Variants in ZNF75D observed in about 807,000 individuals in gnomAD.
ZNF75D encodes zinc finger protein 75.
ZNF75D carries 33 observed loss-of-function variants against 33.3 expected under a neutral mutation model. That is an observed-to-expected ratio of 0.99 (90% CI 0.75 to 1.32). The LOEUF (loss-of-function observed/expected upper bound fraction) is 1.32, where lower values mean the gene tolerates loss of function less well. Ranked by LOEUF, ZNF75D falls within the 40% of genes most tolerant of loss-of-function variation. The pLI is 0.00. For missense variants in ZNF75D, 338 were observed against 367.5 expected (o/e 0.92, Z 0.66); for synonymous variants, 113 against 130.6 (o/e 0.87, Z 0.92).
chrX:135,294,753 T>C (rs1410057988), intron 2 of ZNF75D, among the ~76,000 whole-genome samples: 1 of 111,874 alleles, frequency 8.9e-6, no homozygotes, highest in Non-Finnish European at 1.9e-5. Context: ...TAAATGGAAC[T>C]CTTAATATTC....
At chrX:135,332,808 G>T (rs782255280) in intron 1 of ZNF75D, among the ~76,000 whole-genome samples, 9 of 111,764 alleles carry the variant, frequency 8.1e-5, no homozygotes, top group Non-Finnish European at 1.5e-4. Flanking sequence ...CATCCACAGA[G>T]AATTGGTAAA....
chrX:135,267,197 C>G (rs944215910), intron 1 of ZNF75D, among the ~76,000 whole-genome samples: 2 of 111,186 alleles, frequency 1.8e-5, no homozygotes, highest in Non-Finnish European at 3.8e-5. Flanking sequence ...AATGATGCAT[C>G]TTAAAGAACT....
At chrX:135,275,973 C>G (rs1319065961) in intron 1 of ZNF75D, among the ~76,000 whole-genome samples, 3 of 111,407 alleles carry the variant, frequency 2.7e-5, no homozygotes, top group Admixed American at 9.6e-5. Context: ...ATTCTTAATC[C>G]ATGGCAATGG....
chrX:135,325,797 C>T lies in ZNF75D; in HGVS notation c.-391+15971G>A, dbSNP rs573335432. On this transcript the variant is annotated intron_variant, in intron 1 of 6. Transcript: ENST00000370766. ...CTGAGAGGCGCCACCCCCTGCTCCA[C>T]GGCGCCCAGTCCCATCGACCACCCA... Among the ~76,000 whole-genome samples, 48 of 112,667 alleles carry T rather than the reference C, an allele frequency of 4.3e-4. 1 individual carries two copies. In the South Asian group the frequency reaches 0.01, roughly 24 times the overall value.
At chrX:135,274,352 T>C (rs1457374892) in intron 1 of ZNF75D, among the ~76,000 whole-genome samples, 12 of 112,232 alleles carry the variant, frequency 1.1e-4, no homozygotes, top group African/African-American at 3.9e-4. Flanking sequence ...ATTGTCAGCA[T>C]ACATTTTTGT....
chrX:135,270,202 T>C (rs782145831), intron 1 of ZNF75D, among the ~76,000 whole-genome samples: 7 of 108,221 alleles, frequency 6.5e-5, no homozygotes, highest in African/African-American at 2.3e-4. Flanking sequence ...AGGGGGATCA[T>C]AGTTGATAAT....
rs201356298 is a variant in ZNF75D, at chrX:135,318,088, T to TATA, written c.-390-22050_-390-22049insTAT. On this transcript the variant is annotated intron_variant, in intron 1 of 6. Transcript: ENST00000370766. Reference sequence around the variant, plus strand: ...ATGGCTTGATATATATATATATATATTTTTTTTTTTTTTTTGCGTATTGAC... The same window carrying TATA: ...ATGGCTTGATATATATATATATATATATATTTTTTTTTTTTTTTGCGTATTGAC... 2.2e-3 allele frequency among the ~76,000 whole-genome samples: 191 copies of TATA among 88,200 alleles called. 1 individual carries two copies. The highest frequency in any genetic ancestry group is 0.012 in the Middle Eastern group (2 of 172). 76.6% of individuals were successfully genotyped at this position (88,200 alleles called of 115,157 possible).
chrX:135,249,154 G>T (rs1278115684), exon 4 of ZNF75D: 9 of 323,090 alleles, frequency 2.8e-5, no homozygotes, highest in African/African-American at 2.4e-4. Context: ...GCTCAGCACC[G>T]ATTTAGAGGC....
At chrX:135,289,817 A>C (rs782807207) in intron 6 of ZNF75D, among the ~76,000 whole-genome samples, 112 of 112,114 alleles carry the variant, frequency 1.0e-3, no homozygotes, top group Admixed American at 2.0e-3. Context: ...ATCCCATGGC[A>C]GAAGACCTTT....
chrX:135,278,240 C>A (rs2083906942), intron 1 of ZNF75D, among the ~76,000 whole-genome samples: 1 of 111,328 alleles, frequency 9.0e-6, no homozygotes, highest in East Asian at 2.8e-4. Context: ...GTATTTTATT[C>A]TCTTTGTAGC....
chrX:135,323,524 G>A (rs1467598988), intron 1 of ZNF75D, among the ~76,000 whole-genome samples: 2 of 111,927 alleles, frequency 1.8e-5, no homozygotes, highest in Admixed American at 9.5e-5. Context: ...TGGGCACATA[G>A]ATTGCACAGG....
chrX:135,266,888 C>T (rs2083864872), intron 1 of ZNF75D, among the ~76,000 whole-genome samples: 1 of 111,749 alleles, frequency 8.9e-6, no homozygotes, highest in African/African-American at 3.2e-5. Context: ...TTAAAACAAT[C>T]ATAAACATTG....
intron 1 of ZNF75D, among the ~76,000 whole-genome samples, chrX:135,270,646 G>T (rs782761851): frequency 5.5e-5 from 6 of 108,999 alleles, no homozygotes; most frequent in Admixed American, 1.0e-4. Context: ...CTGGACATGG[G>T]AGTGCTAGGT....
Position 135,328,755 on chromosome X carries a change from A to G in ZNF75D, c.-391+13013T>C, listed in dbSNP as rs62599927. Among the ~76,000 whole-genome samples the G allele has an allele frequency of 8.5e-3, 954 of 112,112 alleles. 5 individuals carry two copies. The highest frequency in any genetic ancestry group is 0.013 in the Non-Finnish European group (692 of 53,173). On this transcript the variant is annotated intron_variant, in intron 1 of 6. Transcript: ENST00000370766. Reference sequence around the variant, plus strand: ...CTTAAAGTCACAGACAGGGTTGACAATTTTCCCTGGCTACGTCTGTTCTCT... The same window carrying G: ...CTTAAAGTCACAGACAGGGTTGACAGTTTTCCCTGGCTACGTCTGTTCTCT...
chrX:135,279,253 T>C (rs1556418108), intron 1 of ZNF75D, among the ~76,000 whole-genome samples: 1 of 112,028 alleles, frequency 8.9e-6, no homozygotes, highest in Non-Finnish European at 1.9e-5. Flanking sequence ...CCATTTCTTC[T>C]AGATTTTGTT....
chrX:135,324,249 T>C (rs1458560010), intron 1 of ZNF75D, among the ~76,000 whole-genome samples: 1 of 111,887 alleles, frequency 8.9e-6, no homozygotes, highest in Non-Finnish European at 1.9e-5. Flanking sequence ...GTGAACCCAA[T>C]TGATCTAAAA....
chrX:135,288,743 T>C (rs1385556031), intron 6 of ZNF75D, among the ~76,000 whole-genome samples: 1 of 111,911 alleles, frequency 8.9e-6, no homozygotes, highest in African/African-American at 3.3e-5. Context: ...TTTCTAATAT[T>C]TACTGAAATT....
intron 1 of ZNF75D, among the ~76,000 whole-genome samples, chrX:135,265,498 C>T (rs1297540282): frequency 8.9e-6 from 1 of 111,810 alleles, no homozygotes; most frequent in Non-Finnish European, 1.9e-5. Context: ...AGTGCCAATA[C>T]ATCTGGAAGC....
chrX:135,303,988 G>A (rs893797217), intron 1 of ZNF75D, among the ~76,000 whole-genome samples: 8 of 112,450 alleles, frequency 7.1e-5, no homozygotes, highest in African/African-American at 2.6e-4. Context: ...TGCTCAAAGA[G>A]AGCAGCCAGA....
Sources: gnomAD v4.1 joint callset for allele counts (sites outside exome capture counted in the v4.1 genomes callset) on GRCh38, gnomAD v4.1.1 for gene constraint, MANE v1.5 for transcripts, NCBI Gene and HGNC (gene_info 2026-07-23, HGNC 2026-07-21) for gene names.